The following AGL variants were observed in gnomAD, a reference collection of about 807,000 sequenced individuals.
The protein encoded by AGL is amylo-alpha-1,6-glucosidase and 4-alpha-glucanotransferase, also known as glycogen debranching enzyme.
Under a neutral mutation model 199.3 loss-of-function variants are expected in AGL, and 128 were observed. The observed-to-expected ratio is 0.64, with a 90% confidence interval of 0.56 to 0.74. The LOEUF (loss-of-function observed/expected upper bound fraction) is 0.74, where lower values mean the gene tolerates loss of function less well. AGL is among the 30% of genes least tolerant of loss of function. AGL has a pLI of 0.00. For synonymous variants in AGL, 584 were observed against 594.7 expected, an observed-to-expected ratio of 0.98 and a Z score of 0.26; for missense variants, 1,809 against 1,820.8, an observed-to-expected ratio of 0.99 and a Z score of 0.12.
intron 31 of AGL, 107 bp downstream of exon 31, chr1:99,915,593 C>G (rs1371250698): frequency 1.2e-5 from 10 of 848,430 alleles, no homozygotes; most frequent in Non-Finnish European, 1.7e-5. Context: ...GAGATGCCAT[C>G]TCTACAAAAA....
At position 99,913,703 on chromosome 1, in the gene AGL, C is replaced by G. The variant is rs762602838; in HGVS notation, c.4126C>G (p.Gln1376Glu). 1 of 1,614,108 alleles carries G rather than the reference C, an allele frequency of 6.2e-7. No homozygotes were observed. The change falls in exon 30 of 34, where the codon CAG becomes GAG. Residue 1376 changes from glutamine to glutamate, a missense_variant. Physicochemically the swap from Gln to Glu is conservative, Grantham distance 29. Transcript: ENST00000361915. ...AGCTTCAAGTCCTTGGTGTGACTAT[C>G]AGCTCAGGCCTAATTTTACCATAGC... ...YGASSPWCDYQLRPNFTIAMV... is the reference protein window; with the variant it reads ...YGASSPWCDYELRPNFTIAMV...
Position 99,874,804 on chromosome 1 carries a change from C to T in AGL, c.1076C>T (p.Pro359Leu), listed in dbSNP as rs558217174. 6.3e-5 allele frequency: 102 copies of T among 1,613,240 alleles called. No homozygotes were observed. Among genetic ancestry groups the T allele is most frequent in the Admixed American group, 1.2e-4 (7 of 59,986 alleles). Residue 359 changes from proline (P) to leucine (L), a missense_variant, in exon 8 of 34, where the codon CCA becomes CTA. Physicochemically the swap from Pro to Leu is moderately conservative, Grantham distance 98. Coordinates refer to ENST00000361915, the MANE Select transcript of AGL (RefSeq NM_000642.3). The stretch of plus-strand genomic sequence containing the variant: ...AACATTGCACTAACGACTTTCATAC[C>T]ACATGAGTATGTAATGTGTTTTTTT... ...DMNIALTTFI[P>L]HDKGPAAIEE...
intron 21 of AGL, among the ~76,000 whole-genome samples, chr1:99,890,078 A>G (rs1283810370): frequency 6.6e-6 from 1 of 152,176 alleles, no homozygotes; most frequent in Non-Finnish European, 1.5e-5. Context: ...CCAATCAGTC[A>G]TTATGATTTG....
chr1:99,852,591 A>G lies in AGL; in HGVS notation c.82+1467A>G. 2 of 667,332 alleles carry G rather than the reference A, an allele frequency of 3.0e-6. No homozygotes were observed. The highest frequency in any genetic ancestry group is 3.0e-5 in the South Asian group (2 of 66,050). 41.3% of individuals were successfully genotyped at this position (667,332 alleles called of 1,614,324 possible). A position where few individuals can be genotyped will look rare whatever the true frequency, so the allele number is the denominator to read the frequency against. ...GGGTCTCACTATGTTGCCCAGGTTGATATTGAACTCCTGGACTCAAGCAAC... is the reference window on the plus strand; with the variant it reads ...GGGTCTCACTATGTTGCCCAGGTTGGTATTGAACTCCTGGACTCAAGCAAC... On this transcript the variant is annotated intron_variant, in intron 2 of 33. Transcript: ENST00000361915.
chr1:99,861,991 A>G (rs1476698007), intron 3 of AGL, among the ~76,000 whole-genome samples: 1 of 152,162 alleles, frequency 6.6e-6, no homozygotes, highest in African/African-American at 2.4e-5. Flanking sequence ...CCTTGTTATT[A>G]CTGATAGGTT....
chr1:99,856,430 T>C (rs1433606789), intron 2 of AGL, among the ~76,000 whole-genome samples: 1 of 150,694 alleles, frequency 6.6e-6, no homozygotes, highest in East Asian at 2.0e-4. Context: ...TTTCTTTTCT[T>C]TTCTTGTATT....
In AGL at chr1:99,891,116, C is replaced by G. The variant is rs371796884; in HGVS notation, c.2813-104C>G. The G allele has an allele frequency of 9.8e-6, 14 of 1,428,516 alleles. No individual in the cohort carries two copies. The African/African-American group carries it at 1.1e-4, about 11-fold the overall frequency. 88.5% of individuals were successfully genotyped at this position (1,428,516 alleles called of 1,614,324 possible). On this transcript the variant is annotated intron_variant, in intron 21 of 33. Coordinates refer to ENST00000361915, the MANE Select transcript of AGL (RefSeq NM_000642.3). ...CTTGTGTGTGCCTCTAATACGTATT[C>G]ACCCCAAATCACTAGAATAGAGACT...
chr1:99,862,418 A>C lies in AGL; in HGVS notation c.455A>C (p.Glu152Ala), dbSNP rs1380473701. 6.2e-7 allele frequency: 1 copy of C among 1,614,114 alleles called. No homozygotes were observed. Among genetic ancestry groups the C allele is most frequent in the South Asian group, 1.1e-5 (1 of 91,080 alleles). The change falls in exon 4 of 34, where the codon GAA (glutamate) becomes GCA (alanine). Residue 152 changes from glutamate to alanine, a missense_variant. Glu to Ala is a moderately radical substitution (Grantham distance 107). Transcript: ENST00000361915. ...GAAAGCAGACTTAGGGTTGCAAAAG[A>C]ATCAGGTAATGTCAGCTTGCTTTCT... ...EWESRLRVAKESGYNMIHFTP... is the reference protein window; with the variant it reads ...EWESRLRVAKASGYNMIHFTP...
Position 99,877,705 on chromosome 1 carries a change from G to A in AGL, c.1488G>A (p.Gly496=). The change falls in exon 12 of 34, where the codon GGG becomes GGA. Residue 496 remains glycine (G), a synonymous_variant. Transcript: ENST00000361915. The part of the protein sequence containing the change: ...CWGDSVKLRY[G]NKPEDCPYLW... ...GAGACAGTGTTAAATTACGCTATGG[G>A]AATAAACCAGAGGACTGTCCTTATC... is the stretch of plus-strand genomic sequence containing the variant. The A allele has an allele frequency of 1.9e-6, 3 of 1,613,964 alleles. No homozygotes were observed. The South Asian group carries it at 3.3e-5, about 18-fold the overall frequency.
intron 27 of AGL, 121 bp downstream of exon 27, chr1:99,902,915 C>T (rs996546852): frequency 3.8e-6 from 3 of 779,384 alleles, no homozygotes; most frequent in Admixed American, 2.3e-5. Context: ...AAAAGATTAA[C>T]ATAGTTCCTG....
At chr1:99,900,176 C>T (rs973244272) in intron 25 of AGL, among the ~76,000 whole-genome samples, 3 of 152,100 alleles carry the variant, frequency 2.0e-5, no homozygotes, top group Admixed American at 6.6e-5. Context: ...GTGTTCCGCC[C>T]GCCTCGGCCT....
intron 2 of AGL, among the ~76,000 whole-genome samples, chr1:99,859,019 T>C (rs1649807586): frequency 1.3e-5 from 2 of 152,160 alleles, no homozygotes; most frequent in African/African-American, 4.8e-5. Context: ...TAGATGAGTT[T>C]TAACCTTTGC....
intron 24 of AGL, 104 bp from the exon 25 acceptor site, chr1:99,896,182 C>T: frequency 1.0e-6 from 1 of 1,004,116 alleles, no homozygotes. Context: ...CAGGTGCCTG[C>T]CTTGTACCCC....
Position 99,902,703 on chromosome 1 carries a change from C to A in AGL, c.3609C>A (p.Val1203=). The A allele has an allele frequency of 6.2e-7, 1 of 1,613,086 alleles. No homozygotes were observed. The highest frequency in any genetic ancestry group is 1.1e-5 in the South Asian group (1 of 91,018). Residue 1203 remains valine (V), a synonymous_variant, in exon 27 of 34, where the codon GTC becomes GTA. Coordinates refer to ENST00000361915, the MANE Select transcript of AGL (RefSeq NM_000642.3). ...AGTLDQPLFE[V]IQEAMQKHMQ... is the part of the protein sequence containing the mutation. ...AACAGGATCAGCCATTGTTTGAAGTCATACAGGAAGCAATGCAAAAACACA... is the reference window on the plus strand; with the variant it reads ...AACAGGATCAGCCATTGTTTGAAGTAATACAGGAAGCAATGCAAAAACACA...
At position 99,875,361 on chromosome 1, in the gene AGL, G is replaced by C. The variant is rs1344671351; in HGVS notation, c.1189G>C (p.Val397Leu). ...AACACAATTTAATGTTTTTCAGGCA[G>C]TTAATTGCCTTTTGGGAAATGTGTT... ...RLINYHQEQA[V>L]NCLLGNVFYE... The change falls in exon 10 of 34, where the codon GTT (valine) becomes CTT (leucine). Residue 397 changes from valine (V) to leucine (L), a missense_variant. By Grantham distance (32) the Val-to-Leu change is conservative. Coordinates refer to ENST00000361915, the MANE Select transcript of AGL (RefSeq NM_000642.3). 6.2e-7 allele frequency: 1 copy of C among 1,613,976 alleles called. No individual in the cohort carries two copies. Among genetic ancestry groups the C allele is most frequent in the African/African-American group, 1.3e-5 (1 of 74,918 alleles).
At chr1:99,915,891 C>T (rs549074553) in intron 31 of AGL, among the ~76,000 whole-genome samples, 4 of 152,214 alleles carry the variant, frequency 2.6e-5, no homozygotes, top group East Asian at 1.9e-4. Flanking sequence ...GTTATAAGTT[C>T]CATGTATTAC....
At chr1:99,889,608 A>T (rs892896065) in intron 21 of AGL, among the ~76,000 whole-genome samples, 6 of 152,076 alleles carry the variant, frequency 3.9e-5, no homozygotes, top group Non-Finnish European at 7.4e-5. Context: ...TATTTAATTA[A>T]TTTTTAAAAG....
intron 25 of AGL, among the ~76,000 whole-genome samples, chr1:99,900,404 G>C (rs956307056): frequency 1.3e-5 from 2 of 152,212 alleles, no homozygotes; most frequent in African/African-American, 4.8e-5. Flanking sequence ...AACTGTATCA[G>C]AGAGGGAGTC....
chr1:99,874,444 TTA>T (rs1383695522), intron 7 of AGL: 4 of 387,330 alleles, frequency 1.0e-5, no homozygotes, highest in Non-Finnish European at 1.9e-5. Flanking sequence ...TGTCTTTCTT[TTA>T]TGTTATTTTT....
Sources: allele counts gnomAD v4.1 joint callset (sites outside exome capture counted in the v4.1 genomes callset), GRCh38; gene constraint gnomAD v4.1.1; transcripts MANE v1.5; gene names NCBI Gene and HGNC (gene_info 2026-07-23, HGNC 2026-07-21).